MEMO1: variants seen among roughly 807,000 people sequenced by gnomAD.
MEMO1 encodes mediator of cell motility 1.
Under a neutral mutation model 45.2 loss-of-function variants are expected in MEMO1, and 6 were observed. That is an observed-to-expected ratio of 0.13 (90% CI 0.07 to 0.26). MEMO1 has a LOEUF of 0.26. MEMO1 is among the 10% of genes least tolerant of loss of function. MEMO1 has a pLI of 1.00. For synonymous variants in MEMO1, 78 were observed against 124.3 expected, an observed-to-expected ratio of 0.63 and a Z score of 2.48; for missense variants, 184 against 370.5, an observed-to-expected ratio of 0.50 and a Z score of 4.13.
At chr2:31,991,882 A>T (rs762659960) in intron 2 of MEMO1, among the ~76,000 whole-genome samples, 4 of 152,162 alleles carry the variant, frequency 2.6e-5, no homozygotes, top group Non-Finnish European at 5.9e-5. Flanking sequence ...TATAGAAAAA[A>T]CAAAATATTA....
At chr2:31,908,939 CA>C (rs1680172123) in intron 6 of MEMO1, among the ~76,000 whole-genome samples, 1 of 152,142 alleles carries the variant, frequency 6.6e-6, no homozygotes, top group African/African-American at 2.4e-5. Context: ...ACAGGCTCAC[CA>C]AAAGAATTAC....
intron 6 of MEMO1, among the ~76,000 whole-genome samples, chr2:31,916,068 G>A (rs1681390119): frequency 6.6e-6 from 1 of 151,940 alleles, no homozygotes; most frequent in African/African-American, 2.4e-5. Context: ...ATTTAAAAGG[G>A]GGAATTATAA....
chr2:31,962,200 C>G (rs547273628), intron 2 of MEMO1, among the ~76,000 whole-genome samples: 1 of 152,134 alleles, frequency 6.6e-6, no homozygotes, highest in Non-Finnish European at 1.5e-5. Flanking sequence ...GCCTGGGCAA[C>G]ACAGTGGTGA....
rs1677055961 is a variant in MEMO1 at position 31,891,973 on chromosome 2, G to A, written c.580+19C>T. On this transcript the variant is annotated intron_variant, in intron 7 of 9. Transcript: ENST00000404530. Reference sequence around the variant, plus strand: ...AAGTATATAACATCTACCATGATATGTTAAAATCTAGAACTTACCCCAATG... The same window carrying A: ...AAGTATATAACATCTACCATGATATATTAAAATCTAGAACTTACCCCAATG... 1.2e-6 allele frequency: 2 copies of A among 1,604,644 alleles called. No individual in the cohort carries two copies. Among genetic ancestry groups the A allele is most frequent in the Non-Finnish European group, 1.7e-6 (2 of 1,174,900 alleles).
chr2:31,933,844 G>A (rs1395149971), intron 3 of MEMO1, among the ~76,000 whole-genome samples: 2 of 152,080 alleles, frequency 1.3e-5, no homozygotes, highest in Admixed American at 6.5e-5. Flanking sequence ...TAGCCAGAAG[G>A]AAATTTAGTA....
At chr2:31,992,235 A>AT (rs915447685) in intron 2 of MEMO1, among the ~76,000 whole-genome samples, 5 of 152,104 alleles carry the variant, frequency 3.3e-5, no homozygotes, top group African/African-American at 1.2e-4. Flanking sequence ...CTTCACCACC[A>AT]TTTTTTTATA....
intron 6 of MEMO1, among the ~76,000 whole-genome samples, chr2:31,894,906 G>A (rs1181426720): frequency 6.6e-6 from 1 of 152,172 alleles, no homozygotes; most frequent in African/African-American, 2.4e-5. Context: ...CAATCTCCCA[G>A]CAGAGGGTGA....
chr2:31,982,458 T>TG (rs1182014712), intron 2 of MEMO1, among the ~76,000 whole-genome samples: 1 of 150,498 alleles, frequency 6.6e-6, no homozygotes, highest in Admixed American at 6.6e-5. Flanking sequence ...GGCATGGAGG[T>TG]GAACGCCTGT....
At chr2:31,944,959 T>C (rs1666025356) in intron 2 of MEMO1, among the ~76,000 whole-genome samples, 1 of 152,186 alleles carries the variant, frequency 6.6e-6, no homozygotes, top group African/African-American at 2.4e-5. Flanking sequence ...ACTTAAGATT[T>C]TCCTTGGTTA....
chr2:31,909,191 G>A (rs1680221640), intron 6 of MEMO1, among the ~76,000 whole-genome samples: 1 of 152,192 alleles, frequency 6.6e-6, no homozygotes, highest in Non-Finnish European at 1.5e-5. Flanking sequence ...TTTCCACTAA[G>A]ATCTGGAACA....
At chr2:31,904,228 T>A (rs552654424) in intron 6 of MEMO1, among the ~76,000 whole-genome samples, 1 of 152,296 alleles carries the variant, frequency 6.6e-6, no homozygotes, top group African/African-American at 2.4e-5. Flanking sequence ...GTGAATTTGG[T>A]TTTTAGAATA....
At chr2:31,936,251 C>T (rs551169185) in intron 3 of MEMO1, among the ~76,000 whole-genome samples, 72 of 152,270 alleles carry the variant, frequency 4.7e-4, no homozygotes, top group African/African-American at 1.5e-3. Flanking sequence ...CATGAGCCAC[C>T]GCGCCTGGCC....
chr2:31,949,601 T>TA (rs1666589235), intron 2 of MEMO1, among the ~76,000 whole-genome samples: 1 of 129,818 alleles, frequency 7.7e-6, no homozygotes, highest in Non-Finnish European at 1.6e-5. Flanking sequence ...CTGGGAAGAG[T>TA]ATTGGAGGGT....
chr2:31,975,608 T>A (rs916434445), intron 2 of MEMO1, among the ~76,000 whole-genome samples: 1 of 152,190 alleles, frequency 6.6e-6, no homozygotes, highest in Non-Finnish European at 1.5e-5. Flanking sequence ...AGCAGAACAC[T>A]TTAATGATGA....
chr2:31,966,920 T>C (rs999970501), intron 2 of MEMO1, among the ~76,000 whole-genome samples: 1 of 152,116 alleles, frequency 6.6e-6, no homozygotes, highest in Admixed American at 6.6e-5. Flanking sequence ...GTTCAAACTT[T>C]TTCTATAATA....
chr2:31,969,155 C>CA (rs1228965705), intron 2 of MEMO1, among the ~76,000 whole-genome samples: 1 of 151,588 alleles, frequency 6.6e-6, no homozygotes, highest in Non-Finnish European at 1.5e-5. Flanking sequence ...ATAAGTAAGA[C>CA]TATATTAAAT....
At chr2:31,962,546 A>C (rs1053871651) in intron 2 of MEMO1, among the ~76,000 whole-genome samples, 2 of 152,230 alleles carry the variant, frequency 1.3e-5, no homozygotes, top group African/African-American at 4.8e-5. Flanking sequence ...GACAGAGTAA[A>C]CACCAAAAAC....
At chr2:32,000,790 A>ATT (rs71268324) in intron 2 of MEMO1, among the ~76,000 whole-genome samples, 15,917 of 145,588 alleles carry the variant, frequency 0.11, 897 homozygotes, top group Middle Eastern at 0.19. Flanking sequence ...CATACCACAT[A>ATT]TTTTTTTTTT....
At chr2:31,951,822 C>A (rs542217057) in intron 2 of MEMO1, among the ~76,000 whole-genome samples, 1 of 152,116 alleles carries the variant, frequency 6.6e-6, no homozygotes. Context: ...TGAGCCACCA[C>A]GCCCAGCCCC....
Sources: gnomAD v4.1 joint callset for allele counts (sites outside exome capture counted in the v4.1 genomes callset) on GRCh38, gnomAD v4.1.1 for gene constraint, MANE v1.5 for transcripts, NCBI Gene and HGNC (gene_info 2026-07-23, HGNC 2026-07-21) for gene names.